The following LMBRD2 variants were observed in gnomAD, a reference collection of about 807,000 sequenced individuals.
The protein encoded by LMBRD2 is G protein-coupled receptor-associated protein LMBRD2.
LMBRD2 carries 55 observed loss-of-function variants against 94.4 expected under a neutral mutation model. The ratio of observed to expected loss-of-function variants is 0.58; its 90% CI spans 0.47 to 0.73. The LOEUF is 0.73. Ranked by LOEUF, LMBRD2 falls within the 30% of genes least tolerant of loss-of-function variation. The pLI, the probability that LMBRD2 is intolerant of heterozygous loss-of-function variation, is 0.00. For synonymous variants in LMBRD2, 246 were observed against 272.4 expected (o/e 0.90, Z 0.95); for missense variants, 640 against 831.9 (o/e 0.77, Z 2.84).
chr5:36,105,348 A>G (rs1032293192), intron 16 of LMBRD2, 151 bp from the exon 17 acceptor site: 5 of 703,076 alleles, frequency 7.1e-6, no homozygotes, highest in Admixed American at 2.8e-5. Context: ...CCTTAAAATC[A>G]GATTAAAATT....
intron 13 of LMBRD2, 144 bp downstream of exon 13, chr5:36,114,280 A>G (rs939513443): frequency 1.1e-4 from 100 of 892,808 alleles, no homozygotes; most frequent in Non-Finnish European, 1.5e-4. Context: ...TGATCACTCA[A>G]GTAGTCCCTT....
rs575142694 is a variant in LMBRD2 at position 36,122,214 on chromosome 5, T to C, written c.1120+66A>G. On this transcript the variant is annotated intron_variant, in intron 9 of 17. Transcript: ENST00000296603. The stretch of plus-strand genomic sequence containing the variant: ...AAATTCAACTTTGCATTGGTGAAAA[T>C]ACATAACTTCTTTCTACAGAAAACT... 34 of 1,189,272 alleles carry C rather than the reference T, an allele frequency of 2.9e-5. No individual in the cohort carries two copies. In the African/African-American group the frequency reaches 4.8e-4, roughly 17 times the overall value. 73.7% of individuals were successfully genotyped at this position (1,189,272 alleles called of 1,614,324 possible). A position where few individuals can be genotyped will look rare whatever the true frequency, so the allele number is the denominator to read the frequency against.
chr5:36,112,685 C>A (rs1268942996), intron 13 of LMBRD2, among the ~76,000 whole-genome samples: 1 of 151,994 alleles, frequency 6.6e-6, no homozygotes, highest in Non-Finnish European at 1.5e-5. Context: ...ATTTTGCTTT[C>A]GGACATAGTG....
chr5:36,117,253 C>T (rs1481692276), intron 10 of LMBRD2, among the ~76,000 whole-genome samples: 13 of 152,012 alleles, frequency 8.6e-5, no homozygotes, highest in African/African-American at 9.7e-5. Context: ...TGAAGCAGGA[C>T]GATCACTTGA....
rs191872698 is a variant in LMBRD2 at position 36,105,654 on chromosome 5, C to T, written c.1898-457G>A. Among the ~76,000 whole-genome samples, 11 of 152,206 alleles carry T rather than the reference C, an allele frequency of 7.2e-5. No homozygotes were observed. In the East Asian group the frequency reaches 1.4e-3, roughly 19 times the overall value. On this transcript the variant is annotated intron_variant, in intron 16 of 17. Coordinates refer to ENST00000296603, the MANE Select transcript of LMBRD2 (RefSeq NM_001007527.2). Reference sequence around the variant, plus strand: ...GAGTATGGGTAGCACTAGCCAACATCGGCACTAGCCGATATTTAATTAGAA... The same window carrying T: ...GAGTATGGGTAGCACTAGCCAACATTGGCACTAGCCGATATTTAATTAGAA...
chr5:36,119,755 C>T (rs1290170103), intron 9 of LMBRD2, among the ~76,000 whole-genome samples: 1 of 152,168 alleles, frequency 6.6e-6, no homozygotes, highest in Non-Finnish European at 1.5e-5. Context: ...CTCTTCCCTC[C>T]TCAAATCTCT....
In LMBRD2 at chr5:36,116,511, T is replaced by C. The variant is rs1404494184; in HGVS notation, c.1385A>G (p.Tyr462Cys). 19 of 1,612,742 alleles carry C rather than the reference T, an allele frequency of 1.2e-5. No individual in the cohort carries two copies. Among genetic ancestry groups the C allele is most frequent in the Non-Finnish European group, 1.5e-5 (18 of 1,179,086 alleles). ...VFRIRVFNYY[Y>C]LASHHQTDAY... ...ATCAGTCTGGTGATGTGAGGCCAAA[T>C]AATAATAGTTAAATACACGAATCCT... Residue 462 changes from tyrosine to cysteine, a missense_variant, in exon 11 of 18, where the codon TAT (tyrosine) becomes TGT (cysteine). By Grantham distance (194) the Tyr-to-Cys change is radical. This residue lies in a region of LMBRD2 where 457 missense variants were observed against 642.8 expected (regional missense o/e 0.71). Coordinates refer to ENST00000296603, the MANE Select transcript of LMBRD2 (RefSeq NM_001007527.2).
intron 4 of LMBRD2, among the ~76,000 whole-genome samples, chr5:36,139,721 C>A (rs1167824922): frequency 2.6e-5 from 4 of 152,174 alleles, no homozygotes; most frequent in Non-Finnish European, 5.9e-5. Flanking sequence ...ATTGGGATAA[C>A]CTGCCTGCAG....
chr5:36,103,854 G>C lies in LMBRD2; in HGVS notation c.*192C>G. ...TAGGAAATGATATGTAATAAATCTT[G>C]TTGAAAAAGGTGATACTCTATTCAA... On this transcript the variant is annotated 3_prime_UTR_variant, in exon 18 of 18. Transcript: ENST00000296603. 1 of 423,034 alleles carries C rather than the reference G, an allele frequency of 2.4e-6. No individual in the cohort carries two copies. Among genetic ancestry groups the C allele is most frequent in the Non-Finnish European group, 4.3e-6 (1 of 231,814 alleles). The allele number at this position is 423,034 out of a possible 1,614,324, so 26.2% of individuals were successfully genotyped here. A position where few individuals can be genotyped will look rare whatever the true frequency, so the allele number is the denominator to read the frequency against.
At chr5:36,141,962 C>T (rs1051863355) in intron 3 of LMBRD2, among the ~76,000 whole-genome samples, 1 of 152,120 alleles carries the variant, frequency 6.6e-6, no homozygotes, top group South Asian at 2.1e-4. Context: ...TGAAAGCATT[C>T]ATAAAGGCTA....
intron 3 of LMBRD2, among the ~76,000 whole-genome samples, chr5:36,141,813 C>A (rs970890979): frequency 1.3e-5 from 2 of 152,076 alleles, no homozygotes. Flanking sequence ...CAAGAACTTG[C>A]AACAATCTGT....
rs756939536 is a variant in LMBRD2 at position 36,142,487 on chromosome 5, T to TA, written c.272+14dup. On this transcript the variant is annotated intron_variant, in intron 3 of 17. Coordinates refer to ENST00000296603, the MANE Select transcript of LMBRD2 (RefSeq NM_001007527.2). ...CCCTACAATGTTTATATATTTTTTT[T>TA]AAAAAAGGAAATACCTTGGAACAGG... is the stretch of plus-strand genomic sequence containing the variant. 3.7e-5 allele frequency: 51 copies of TA among 1,389,862 alleles called. No individual in the cohort carries two copies. Among genetic ancestry groups the TA allele is most frequent in the Non-Finnish European group, 4.8e-5 (47 of 981,882 alleles). The allele number at this position is 1,389,862 out of a possible 1,614,324, so 86.1% of individuals were successfully genotyped here.
Position 36,136,414 on chromosome 5 carries a change from C to A in LMBRD2, c.642G>T (p.Trp214Cys). ...GTAGATAACCCCTTTTTGCTCCATT[C>A]CAGTATGATCGAGGAATTTCCACCA... ...YGLVEIPRSYWNGAKRGYLLM... is the reference protein window; with the variant it reads ...YGLVEIPRSYCNGAKRGYLLM... Residue 214 changes from tryptophan to cysteine, a missense_variant, in exon 6 of 18, where the codon TGG becomes TGT. Trp to Cys is a radical substitution (Grantham distance 215, BLOSUM62 -2). Around this residue, in one of 2 missense-constraint regions of LMBRD2, gnomAD observed 457 missense variants for 642.8 expected, o/e 0.71. Transcript: ENST00000296603. The A allele has an allele frequency of 6.2e-7, 1 of 1,613,682 alleles. No homozygotes were observed. The highest frequency in any genetic ancestry group is 2.2e-5 in the East Asian group (1 of 44,882).
rs10071402 is a variant in LMBRD2 at position 36,122,732 on chromosome 5, G to A, written c.936+116C>T. On this transcript the variant is annotated intron_variant, in intron 8 of 17. Coordinates refer to ENST00000296603, the MANE Select transcript of LMBRD2 (RefSeq NM_001007527.2). Reference sequence around the variant, plus strand: ...AAATATTTCAAAGAATGATAAGGACGGGATTAAAGGAAGTTTTAAATACAC... The same window carrying A: ...AAATATTTCAAAGAATGATAAGGACAGGATTAAAGGAAGTTTTAAATACAC... 3.9e-3 allele frequency: 4,887 copies of A among 1,264,028 alleles called. 169 individuals are homozygous for A. In the African/African-American group the frequency reaches 0.07, roughly 18 times the overall value. The allele number at this position is 1,264,028 out of a possible 1,614,324, so 78.3% of individuals were successfully genotyped here.
Position 36,114,477 on chromosome 5 carries a change from G to T in LMBRD2, c.1587C>A (p.Phe529Leu). 1 of 1,567,102 alleles carries T rather than the reference G, an allele frequency of 6.4e-7. No individual in the cohort carries two copies. Among genetic ancestry groups the T allele is most frequent in the East Asian group, 2.4e-5 (1 of 41,102 alleles). ...CCACCAACATAGGATAATATATATA[G>T]AATCCATCTGCAATAAAGGATAAAA... Reference protein sequence around the residue: ...MKVLSFIADGFYIYYPMLVVI... With the variant: ...MKVLSFIADGLYIYYPMLVVI... Residue 529 changes from phenylalanine to leucine, a missense_variant, in exon 13 of 18, where the codon TTC becomes TTA. Around this residue, in one of 2 missense-constraint regions of LMBRD2, gnomAD observed 457 missense variants for 642.8 expected, o/e 0.71. Transcript: ENST00000296603.
At chr5:36,121,686 C>T (rs1037519510) in intron 9 of LMBRD2, among the ~76,000 whole-genome samples, 8 of 152,124 alleles carry the variant, frequency 5.3e-5, no homozygotes, top group Admixed American at 1.3e-4. Context: ...TAAGTACAGT[C>T]ATGTGTCACA....
rs532978844 is a variant in LMBRD2 at position 36,137,263 on chromosome 5, A to C, written c.536+11T>G. The C allele has an allele frequency of 2.6e-6, 4 of 1,530,676 alleles. No individual in the cohort carries two copies. The highest frequency in any genetic ancestry group is 3.6e-6 in the Non-Finnish European group (4 of 1,121,734). The allele number at this position is 1,530,676 out of a possible 1,614,324, so 94.8% of individuals were successfully genotyped here. A position where few individuals can be genotyped will look rare whatever the true frequency, so the allele number is the denominator to read the frequency against. Reference sequence around the variant, plus strand: ...ACATTAAAGCAATGTTAAGAAGACTACTTTTCTTACCATTCTAAATGTAAA... The same window carrying C: ...ACATTAAAGCAATGTTAAGAAGACTCCTTTTCTTACCATTCTAAATGTAAA... On this transcript the variant is annotated intron_variant, in intron 5 of 17. Transcript: ENST00000296603.
rs1202403251 is a variant in LMBRD2, at chr5:36,113,327, A to AC, written c.1640+1096dup. Reference sequence around the variant, plus strand: ...AATCTATCAAGACCCTCTCACGAGGACCCCCTTAGAGTTGTAAGCCCTTAA... The same window carrying AC: ...AATCTATCAAGACCCTCTCACGAGGACCCCCCTTAGAGTTGTAAGCCCTTAA... On this transcript the variant is annotated intron_variant, in intron 13 of 17. Transcript: ENST00000296603. 2.6e-5 allele frequency among the ~76,000 whole-genome samples: 4 copies of AC among 151,860 alleles called. No homozygotes were observed. In the East Asian group the frequency reaches 7.8e-4, roughly 30 times the overall value.
At chr5:36,119,867 A>G (rs982766445) in intron 9 of LMBRD2, among the ~76,000 whole-genome samples, 5 of 152,162 alleles carry the variant, frequency 3.3e-5, no homozygotes, top group Admixed American at 2.0e-4. Flanking sequence ...TCAGCTAGTT[A>G]CATCTGTGCC....
Sources: gnomAD v4.1 joint callset for allele counts (sites outside exome capture counted in the v4.1 genomes callset) on GRCh38, gnomAD v4.1.1 for gene constraint, gnomAD v4.1.1 regional missense constraint, MANE v1.5 for transcripts, NCBI Gene and HGNC (gene_info 2026-07-23, HGNC 2026-07-21) for gene names.